The following TMTC2 variants were observed in gnomAD, a reference collection of about 807,000 sequenced individuals.
The protein encoded by TMTC2 is protein O-mannosyl-transferase TMTC2.
Under a neutral mutation model 82.4 loss-of-function variants are expected in TMTC2, and 43 were observed. The observed-to-expected ratio is 0.52, with a 90% CI of 0.41 to 0.67. The LOEUF is 0.67. Ranked by LOEUF, TMTC2 falls within the 30% of genes least tolerant of loss-of-function variation. TMTC2 has a pLI of 0.00. For synonymous variants in TMTC2, 408 were observed against 381.9 expected (o/e 1.07, Z -0.80); for missense variants, 919 against 1,012.4 (o/e 0.91, Z 1.25).
At chr12:82,949,547 G>A (rs1386376249) in intron 4 of TMTC2, among the ~76,000 whole-genome samples, 1 of 152,176 alleles carries the variant, frequency 6.6e-6, no homozygotes, top group Non-Finnish European at 1.5e-5. Flanking sequence ...ATACTTCAGA[G>A]CATGTCTTTG....
At chr12:82,861,669 A>G (rs1871559833) in intron 2 of TMTC2, among the ~76,000 whole-genome samples, 1 of 152,214 alleles carries the variant, frequency 6.6e-6, no homozygotes, top group Non-Finnish European at 1.5e-5. Flanking sequence ...TAGCTTATGT[A>G]ACAAATGCTC....
At chr12:83,100,984 C>G (rs1884197596) in intron 11 of TMTC2, among the ~76,000 whole-genome samples, 1 of 152,102 alleles carries the variant, frequency 6.6e-6, no homozygotes, top group Non-Finnish European at 1.5e-5. Context: ...GTTTTATGGT[C>G]TTTGTTTTCC....
At chr12:82,959,163 G>A (rs1427075829) in intron 4 of TMTC2, among the ~76,000 whole-genome samples, 1 of 152,136 alleles carries the variant, frequency 6.6e-6, no homozygotes, top group African/African-American at 2.4e-5. Flanking sequence ...AAACACTGCT[G>A]AAGGAAATCA....
At chr12:82,930,677 C>T (rs1682572) in intron 4 of TMTC2, 132 bp downstream of exon 4, 36,778 of 523,982 alleles carry the variant, frequency 0.07, 1,674 homozygotes, top group African/African-American at 0.14. Flanking sequence ...AATCATGCCT[C>T]TGAGACTATT....
chr12:82,872,446 T>A (rs1022545694), intron 2 of TMTC2, among the ~76,000 whole-genome samples: 2 of 152,246 alleles, frequency 1.3e-5, no homozygotes, highest in African/African-American at 4.8e-5. Context: ...TCAATTGACA[T>A]TGAAACATTT....
At chr12:83,078,573 A>G (rs1413682129) in intron 11 of TMTC2, among the ~76,000 whole-genome samples, 1 of 152,214 alleles carries the variant, frequency 6.6e-6, no homozygotes, top group Non-Finnish European at 1.5e-5. Context: ...GCCAACAAAT[A>G]TCTGCTGTGG....
At chr12:82,875,899 T>TAA (rs781413116) in intron 2 of TMTC2, among the ~76,000 whole-genome samples, 53 of 113,552 alleles carry the variant, frequency 4.7e-4, no homozygotes, top group African/African-American at 1.4e-3. Flanking sequence ...AGCTCACGCT[T>TAA]AAAAAAAAAA....
At chr12:82,758,392 A>G (rs141682907) in intron 1 of TMTC2, among the ~76,000 whole-genome samples, 3 of 152,274 alleles carry the variant, frequency 2.0e-5, no homozygotes, top group African/African-American at 7.2e-5. Context: ...CTGCTGTATA[A>G]CATTCTACAA....
intron 11 of TMTC2, among the ~76,000 whole-genome samples, chr12:83,093,698 TAAG>T (rs1883921616): frequency 6.6e-6 from 1 of 152,156 alleles, no homozygotes. Context: ...AGAGAGCTAA[TAAG>T]CTACCTAAAT....
intron 1 of TMTC2, among the ~76,000 whole-genome samples, chr12:82,741,350 G>T (rs1241682765): frequency 2.0e-5 from 3 of 152,062 alleles, no homozygotes; most frequent in South Asian, 4.1e-4. Context: ...TTGCTCTGTT[G>T]CCCAGGCTGG....
chr12:82,707,685 A>T lies in TMTC2; in HGVS notation c.83+20016A>T, dbSNP rs797003956. ...TGTTCCTGCACTTACAGTCTGGCATATGAGTGGAAAGGAGGCAGGTTTGTC... is the reference window on the plus strand; with the variant it reads ...TGTTCCTGCACTTACAGTCTGGCATTTGAGTGGAAAGGAGGCAGGTTTGTC... On this transcript the variant is annotated intron_variant, in intron 1 of 11. Coordinates refer to ENST00000321196, the MANE Select transcript of TMTC2 (RefSeq NM_152588.3). 4.6e-5 allele frequency among the ~76,000 whole-genome samples: 7 copies of T among 152,272 alleles called. 1 individual carries two copies. Among genetic ancestry groups the T allele is most frequent in the African/African-American group, 1.7e-4 (7 of 41,560 alleles).
rs1243401916 is a variant in TMTC2 at position 82,857,447 on chromosome 12, G to C, written c.521G>C (p.Gly174Ala). Reference protein sequence around the residue: ...YSARTWGWFLGSGLCAGCSML... With the variant: ...YSARTWGWFLASGLCAGCSML... ...GCCAGAACCTGGGGCTGGTTCCTGG[G>C]GTCAGGACTGTGCGCAGGATGCAGC... The change falls in exon 2 of 12, where the codon GGG becomes GCG. Residue 174 changes from glycine (G) to alanine (A), a missense_variant. By Grantham distance (60) the Gly-to-Ala change is moderately conservative. Coordinates refer to ENST00000321196, the MANE Select transcript of TMTC2 (RefSeq NM_152588.3). 1.2e-6 allele frequency: 2 copies of C among 1,614,182 alleles called. No individual in the cohort carries two copies. Among genetic ancestry groups the C allele is most frequent in the South Asian group, 2.2e-5 (2 of 91,078 alleles).
At chr12:83,008,138 A>G (rs1880287834) in intron 8 of TMTC2, among the ~76,000 whole-genome samples, 1 of 152,210 alleles carries the variant, frequency 6.6e-6, no homozygotes, top group Non-Finnish European at 1.5e-5. Context: ...GGCAAGAACC[A>G]CAGTTACTTT....
chr12:82,949,885 A>G (rs566757460), intron 4 of TMTC2, among the ~76,000 whole-genome samples: 2 of 152,274 alleles, frequency 1.3e-5, no homozygotes, highest in Middle Eastern at 3.4e-3. Flanking sequence ...TTATAAGTGT[A>G]TTGGTTGTGA....
chr12:83,107,551 A>G (rs1192620715), intron 11 of TMTC2, among the ~76,000 whole-genome samples: 2 of 152,140 alleles, frequency 1.3e-5, no homozygotes, highest in African/African-American at 2.4e-5. Context: ...CCTCCCAAAG[A>G]CCCCACCTCC....
chr12:82,834,417 T>C (rs537998111), intron 1 of TMTC2, among the ~76,000 whole-genome samples: 1 of 152,342 alleles, frequency 6.6e-6, no homozygotes, highest in South Asian at 2.1e-4. Context: ...GAGAATTCGC[T>C]AAGTTCCGAC....
At chr12:82,748,084 G>T (rs1322045933) in intron 1 of TMTC2, among the ~76,000 whole-genome samples, 1 of 152,180 alleles carries the variant, frequency 6.6e-6, no homozygotes, top group African/African-American at 2.4e-5. Context: ...GCTGAGGCGG[G>T]TGGATCACGC....
chr12:82,742,740 T>C (rs2136955363), intron 1 of TMTC2, among the ~76,000 whole-genome samples: 1 of 152,198 alleles, frequency 6.6e-6, no homozygotes, highest in Admixed American at 6.5e-5. Context: ...CCCAGGCTGG[T>C]CTCGAACTCC....
intron 1 of TMTC2, among the ~76,000 whole-genome samples, chr12:82,719,086 T>TATATATATATATA (rs1491203790): frequency 1.0e-4 from 2 of 19,322 alleles, no homozygotes; most frequent in African/African-American, 4.3e-4. Flanking sequence ...TATATATATA[T>TATATATATATATA]TTTTTTTTTT....
Sources: allele counts gnomAD v4.1 joint callset (sites outside exome capture counted in the v4.1 genomes callset), GRCh38; gene constraint gnomAD v4.1.1; transcripts MANE v1.5; gene names NCBI Gene and HGNC (gene_info 2026-07-23, HGNC 2026-07-21).